The following PSMG2 variants were observed in gnomAD, a reference collection of about 807,000 sequenced individuals.
The protein encoded by PSMG2 is proteasome assembly chaperone 2.
In PSMG2, 21 loss-of-function variants were observed where a neutral mutation model predicts 31.5. The observed-to-expected ratio is 0.67, with a 90% CI of 0.47 to 0.96. PSMG2 has a LOEUF of 0.96. Among genes scored for constraint, PSMG2 ranks in the 40% least tolerant of loss-of-function variants. The pLI, the probability that PSMG2 is intolerant of heterozygous loss-of-function variation, is 0.00. For missense variants in PSMG2, 318 were observed against 321.2 expected (o/e 0.99, Z 0.08); for synonymous variants, 120 against 110.4 (o/e 1.09, Z -0.54).
At chr18:12,668,597 CAAA>C (rs752216074) in intron 1 of PSMG2, among the ~76,000 whole-genome samples, 5 of 72,828 alleles carry the variant, frequency 6.9e-5, no homozygotes, top group Middle Eastern at 9.8e-3. Flanking sequence ...GATTCCATCT[CAAA>C]AAAAAAAAAA....
At chr18:12,659,042 C>T (rs1297042633) in intron 1 of PSMG2, 1 of 159,520 alleles carries the variant, frequency 6.3e-6, no homozygotes, top group Admixed American at 6.3e-5. Flanking sequence ...CCCCCCCAAC[C>T]TATTAAATAT....
chr18:12,702,278 GCTAGC>G (rs1199109026), upstream of PSMG2: 1 of 543,912 alleles, frequency 1.8e-6, no homozygotes. Flanking sequence ...CCAGACTCTT[GCTAGC>G]ACCTGCTCGG....
intron 1 of PSMG2, chr18:12,695,129 T>C (rs1046095279): frequency 1.3e-5 from 6 of 460,694 alleles, no homozygotes; most frequent in African/African-American, 2.0e-5. Context: ...TGTGAACCTT[T>C]GAGTGCTAAT....
Position 12,706,655 on chromosome 18 carries a change from A to G in PSMG2, c.163A>G (p.Met55Val), listed in dbSNP as rs116940091. 185 of 1,613,958 alleles carry G rather than the reference A, an allele frequency of 1.1e-4. No homozygotes were observed. The Admixed American group carries it at 1.9e-3, about 17-fold the overall frequency. ...CTTCTATACCGATTGTCTTGTGCCA[A>G]TGGTTGGAAACAATCCATATGCGAC... ...GYFYTDCLVP[M>V]VGNNPYATTE... The change falls in exon 2 of 7, where the codon ATG becomes GTG. Residue 55 changes from methionine (M) to valine (V), a missense_variant. By Grantham distance (21) the Met-to-Val change is conservative. Coordinates refer to ENST00000317615, the MANE Select transcript of PSMG2 (RefSeq NM_020232.5).
At chr18:12,689,472 A>G (rs1366520936) in intron 1 of PSMG2, among the ~76,000 whole-genome samples, 1 of 152,222 alleles carries the variant, frequency 6.6e-6, no homozygotes, top group Admixed American at 6.5e-5. Context: ...CTGTTTACAA[A>G]AAGAGCCAAT....
intron 1 of PSMG2, among the ~76,000 whole-genome samples, chr18:12,659,454 G>A (rs1448652353): frequency 6.6e-6 from 1 of 152,106 alleles, no homozygotes; most frequent in Non-Finnish European, 1.5e-5. Flanking sequence ...GATCACTGAG[G>A]TCAGGAGTTC....
In PSMG2 at chr18:12,674,674, C is replaced by T. The variant is rs143598035; in HGVS notation, c.-37+15901C>T. The T allele has an allele frequency of 3.5e-5, 56 of 1,613,946 alleles. No homozygotes were observed. The highest frequency in any genetic ancestry group is 4.5e-5 in the East Asian group (2 of 44,870). On this transcript the variant is annotated intron_variant, in intron 1 of 6. Transcript: ENST00000585331. ...ATTGCCTGCTGATATACTTGTTGTA[C>T]GCTCAAATTCATAAGAAGCCAAAGC...
intron 1 of PSMG2, among the ~76,000 whole-genome samples, chr18:12,665,649 CT>C (rs2038786824): frequency 6.6e-6 from 1 of 152,162 alleles, no homozygotes; most frequent in African/African-American, 2.4e-5. Context: ...CATCCCAGAG[CT>C]TAACCTAAAT....
rs1249630234 is a variant in PSMG2 at position 12,705,919 on chromosome 18, TTTTG to T, written c.58-627_58-624del. Among the ~76,000 whole-genome samples, 11 of 152,336 alleles carry T rather than the reference TTTTG, an allele frequency of 7.2e-5. No homozygotes were observed. In the South Asian group the frequency reaches 1.9e-3, roughly 26 times the overall value. On this transcript the variant is annotated intron_variant, in intron 1 of 6. Coordinates refer to ENST00000317615, the MANE Select transcript of PSMG2 (RefSeq NM_020232.5). ...TTACCACTGTATATTTTAGTGTTTGTTTTGTTTATTACAGGTAAACCACTCTCAC... is the reference window on the plus strand; with the variant it reads ...TTACCACTGTATATTTTAGTGTTTGTTTTATTACAGGTAAACCACTCTCAC...
chr18:12,697,934 G>C (rs1467901130), intron 1 of PSMG2, among the ~76,000 whole-genome samples: 2 of 151,998 alleles, frequency 1.3e-5, no homozygotes, highest in African/African-American at 4.8e-5. Context: ...AAATTGTGAA[G>C]ACATTCTGAA....
At chr18:12,671,649 T>C (rs981464102) in intron 1 of PSMG2, among the ~76,000 whole-genome samples, 7 of 136,630 alleles carry the variant, frequency 5.1e-5, no homozygotes, top group African/African-American at 2.0e-4. Flanking sequence ...TTTCTTTTTT[T>C]TTTTTTTTTT....
At chr18:12,705,634 G>A (rs1475118608) in intron 1 of PSMG2, among the ~76,000 whole-genome samples, 4 of 146,522 alleles carry the variant, frequency 2.7e-5, no homozygotes, top group Non-Finnish European at 6.0e-5. Context: ...TCAACCTTTC[G>A]GAATGGGTAA....
chr18:12,667,517 T>G (rs1161978345), intron 1 of PSMG2, among the ~76,000 whole-genome samples: 2 of 152,076 alleles, frequency 1.3e-5, no homozygotes, highest in Non-Finnish European at 1.5e-5. Context: ...ATCCCAGCAC[T>G]TTGGGAGGCC....
At chr18:12,665,927 C>T (rs890588807) in intron 1 of PSMG2, among the ~76,000 whole-genome samples, 16 of 152,104 alleles carry the variant, frequency 1.1e-4, no homozygotes, top group Non-Finnish European at 1.9e-4. Context: ...GAACGCCTGA[C>T]CCCGTGATCT....
At chr18:12,704,176 T>C (rs535158658) in intron 1 of PSMG2, among the ~76,000 whole-genome samples, 3 of 152,342 alleles carry the variant, frequency 2.0e-5, no homozygotes, top group Admixed American at 1.3e-4. Flanking sequence ...ATGTTAATGA[T>C]GGTCACCTGG....
At chr18:12,682,392 T>G (rs1434390951) in intron 1 of PSMG2, among the ~76,000 whole-genome samples, 1 of 152,140 alleles carries the variant, frequency 6.6e-6, no homozygotes, top group Non-Finnish European at 1.5e-5. Context: ...TTTCACCAAG[T>G]TGCCCTGGCT....
chr18:12,701,338 A>G (rs1311423050), upstream of PSMG2, among the ~76,000 whole-genome samples: 2 of 152,170 alleles, frequency 1.3e-5, no homozygotes, highest in East Asian at 3.9e-4. Context: ...AACAACACTC[A>G]ACCAAAAGGA....
At chr18:12,668,811 G>A (rs1457015707) in intron 1 of PSMG2, among the ~76,000 whole-genome samples, 1 of 139,870 alleles carries the variant, frequency 7.1e-6, no homozygotes. Flanking sequence ...AGCAATCTCG[G>A]CTCACTGCAG....
intron 1 of PSMG2, among the ~76,000 whole-genome samples, chr18:12,668,844 G>A (rs536806678): frequency 1.4e-5 from 2 of 145,180 alleles, no homozygotes; most frequent in African/African-American, 5.0e-5. Flanking sequence ...GGGTTTAAGC[G>A]ATTCCCCTGC....
Sources: gnomAD v4.1 joint callset for allele counts (sites outside exome capture counted in the v4.1 genomes callset) on GRCh38, gnomAD v4.1.1 for gene constraint, MANE v1.5 for transcripts, NCBI Gene and HGNC (gene_info 2026-07-23, HGNC 2026-07-21) for gene names.